The following PRKG1 variants were observed in gnomAD, a reference collection of about 807,000 sequenced individuals.
PRKG1 encodes the protein cGMP-dependent protein kinase 1.
A neutral mutation model predicts 88.1 loss-of-function variants in PRKG1; 35 were observed. The ratio of observed to expected loss-of-function variants is 0.40; its 90% confidence interval spans 0.30 to 0.53. The LOEUF is 0.53. PRKG1 is among the 20% of genes least tolerant of loss of function. The pLI is 0.59. For synonymous variants in PRKG1, 303 were observed against 292.5 expected (o/e 1.04, Z -0.37); for missense variants, 540 against 839.8 (o/e 0.64, Z 4.41).
chr10:51,391,435 T>C (rs1837400246), intron 2 of PRKG1, among the ~76,000 whole-genome samples: 1 of 152,226 alleles, frequency 6.6e-6, no homozygotes, highest in African/African-American at 2.4e-5. Flanking sequence ...TATGTTTAAG[T>C]TCCTGCTTGC....
intron 7 of PRKG1, among the ~76,000 whole-genome samples, chr10:52,097,112 A>G (rs970976319): frequency 6.6e-6 from 1 of 152,304 alleles, no homozygotes; most frequent in Non-Finnish European, 1.5e-5. Flanking sequence ...GTTGAGTTAT[A>G]CAGCTTAAGA....
chr10:51,137,877 G>A (rs948779175), intron 1 of PRKG1, among the ~76,000 whole-genome samples: 3 of 152,094 alleles, frequency 2.0e-5, no homozygotes, highest in African/African-American at 7.2e-5. Flanking sequence ...ATAAAGCTTT[G>A]GTTAAAGGAA....
intron 10 of PRKG1, among the ~76,000 whole-genome samples, chr10:52,254,862 C>G (rs896971754): frequency 6.6e-6 from 1 of 151,996 alleles, no homozygotes; most frequent in Admixed American, 6.6e-5. Context: ...AAGTGAAGAT[C>G]TTTTAGGCAT....
At chr10:52,169,022 A>G (rs991958216) in intron 9 of PRKG1, among the ~76,000 whole-genome samples, 5 of 152,174 alleles carry the variant, frequency 3.3e-5, no homozygotes, top group African/African-American at 1.2e-4. Flanking sequence ...GTTAGATAGT[A>G]ATTGTAGCTG....
chr10:52,064,194 G>A lies in PRKG1; in HGVS notation c.935+1563G>A, dbSNP rs115373481. Reference sequence around the variant, plus strand: ...ACCTGCAGGCCAGCACCAAGCTGCCGTCAGCCCACCACTGGATTCCCTCCT... The same window carrying A: ...ACCTGCAGGCCAGCACCAAGCTGCCATCAGCCCACCACTGGATTCCCTCCT... On this transcript the variant is annotated intron_variant, in intron 7 of 17. Transcript: ENST00000373980. Among the ~76,000 whole-genome samples, 1,447 of 152,256 alleles carry A rather than the reference G, an allele frequency of 9.5e-3. 25 individuals carry two copies. The highest frequency in any genetic ancestry group is 0.031 in the African/African-American group (1,308 of 41,560).
intron 4 of PRKG1, among the ~76,000 whole-genome samples, chr10:51,870,439 C>G (rs1468576189): frequency 6.6e-6 from 1 of 151,698 alleles, no homozygotes; most frequent in East Asian, 2.0e-4. Context: ...CCATTTTGTC[C>G]CTAATGTACT....
At chr10:51,025,565 A>G (rs1843193886) in intron 1 of PRKG1, among the ~76,000 whole-genome samples, 1 of 152,138 alleles carries the variant, frequency 6.6e-6, no homozygotes, top group African/African-American at 2.4e-5. Context: ...CAACTCTGTC[A>G]TGCTCAGACC....
intron 2 of PRKG1, among the ~76,000 whole-genome samples, chr10:51,456,122 C>G (rs911161341): frequency 6.6e-6 from 1 of 152,184 alleles, no homozygotes; most frequent in African/African-American, 2.4e-5. Flanking sequence ...AGTCGCATCT[C>G]ACATGGTGGT....
intron 3 of PRKG1, among the ~76,000 whole-genome samples, chr10:51,748,704 T>A (rs1837641988): frequency 1.3e-5 from 2 of 152,252 alleles, no homozygotes; most frequent in South Asian, 4.1e-4. Context: ...TCTTTTGAAG[T>A]TCACAAACTT....
intron 5 of PRKG1, among the ~76,000 whole-genome samples, chr10:51,930,982 C>T (rs1206754680): frequency 1.3e-5 from 2 of 152,114 alleles, no homozygotes; most frequent in Non-Finnish European, 2.9e-5. Context: ...GTGCTTCTCT[C>T]CTGTCCTCAG....
intron 4 of PRKG1, among the ~76,000 whole-genome samples, chr10:51,840,388 C>T (rs1417581326): frequency 6.6e-6 from 1 of 151,736 alleles, no homozygotes; most frequent in Non-Finnish European, 1.5e-5. Flanking sequence ...TCCAAGAATC[C>T]TTTTTATTCT....
At chr10:50,993,722 A>G (rs1842805353) in intron 1 of PRKG1, among the ~76,000 whole-genome samples, 1 of 152,234 alleles carries the variant, frequency 6.6e-6, no homozygotes, top group Non-Finnish European at 1.5e-5. Context: ...TCACCAGGAT[A>G]TGGAGGGGAC....
chr10:51,148,136 C>T (rs534104914), intron 1 of PRKG1: 12 of 505,718 alleles, frequency 2.4e-5, no homozygotes, highest in African/African-American at 1.0e-4. Flanking sequence ...GAAAATAACT[C>T]GGAATTAGAA....
At chr10:51,060,693 A>G (rs183027980) in intron 1 of PRKG1, among the ~76,000 whole-genome samples, 69 of 152,232 alleles carry the variant, frequency 4.5e-4, no homozygotes, top group African/African-American at 1.6e-3. Flanking sequence ...TTTCTATGAT[A>G]CTTACATTTT....
At chr10:51,903,813 A>T (rs190689855) in intron 4 of PRKG1, among the ~76,000 whole-genome samples, 2 of 152,218 alleles carry the variant, frequency 1.3e-5, no homozygotes, top group East Asian at 3.9e-4. Flanking sequence ...AATCAACTCC[A>T]CCATCATTTA....
At chr10:51,269,023 G>A (rs1414919853) in intron 2 of PRKG1, among the ~76,000 whole-genome samples, 2 of 151,952 alleles carry the variant, frequency 1.3e-5, no homozygotes, top group Non-Finnish European at 2.9e-5. Flanking sequence ...AAAGAAATCA[G>A]CAAGGAAAAA....
At chr10:52,244,815 A>AGT (rs1840972941) in intron 9 of PRKG1, among the ~76,000 whole-genome samples, 1 of 65,742 alleles carries the variant, frequency 1.5e-5, no homozygotes, top group East Asian at 4.8e-4. Context: ...GATATATTTA[A>AGT]ATATATTTAA....
chr10:51,263,347 G>C (rs1472296396), intron 2 of PRKG1, among the ~76,000 whole-genome samples: 1 of 151,974 alleles, frequency 6.6e-6, no homozygotes, highest in East Asian at 1.9e-4. Flanking sequence ...TCCAGTTTTT[G>C]TTTGTTTGTT....
At chr10:51,245,269 G>A (rs1402807095) in intron 2 of PRKG1, 1 of 151,964 alleles carries the variant, frequency 6.6e-6, no homozygotes, top group Non-Finnish European at 1.5e-5. Context: ...AGTTGAAACT[G>A]ACTTAATCAT....
Sources: allele counts gnomAD v4.1 joint callset (sites outside exome capture counted in the v4.1 genomes callset), GRCh38; gene constraint gnomAD v4.1.1; transcripts MANE v1.5; gene names NCBI Gene and HGNC (gene_info 2026-07-23, HGNC 2026-07-21).